The following DLGAP2 variants were observed in gnomAD, a reference collection of about 807,000 sequenced individuals.
The protein encoded by DLGAP2 is disks large-associated protein 2.
Under a neutral mutation model 100.3 loss-of-function variants are expected in DLGAP2, and 26 were observed. That is an observed-to-expected ratio of 0.26 (90% CI 0.19 to 0.36). DLGAP2 has a LOEUF of 0.36. Ranked by LOEUF, DLGAP2 falls within the 10% of genes least tolerant of loss-of-function variation. The pLI, the probability that DLGAP2 is intolerant of heterozygous loss-of-function variation, is 1.00. For synonymous variants in DLGAP2, 886 were observed against 630.1 expected (o/e 1.41, Z -6.08); for missense variants, 1,858 against 1,453.2 (o/e 1.28, Z -4.53).
chr8:1,655,568 G>A (rs1016438009), intron 8 of DLGAP2, among the ~76,000 whole-genome samples: 1 of 152,132 alleles, frequency 6.6e-6, no homozygotes, highest in African/African-American at 2.4e-5. Context: ...TTCAGAAGTG[G>A]TGTCCAGAAT....
chr8:771,714 A>AAC (rs1821365914), intron 1 of DLGAP2, among the ~76,000 whole-genome samples: 1 of 152,254 alleles, frequency 6.6e-6, no homozygotes, highest in Non-Finnish European at 1.5e-5. Context: ...GTTAGGTGAA[A>AAC]ATATTTATCC....
rs963555125 is a variant in DLGAP2, at chr8:1,632,810, G to T, written c.1591-17G>T. On this transcript the variant is annotated splice_polypyrimidine_tract_variant and intron_variant, in intron 7 of 14. Transcript: ENST00000637795. Reference sequence around the variant, plus strand: ...CCTGGAGGGCCGGGGCATCACGTGTGCTGTTGATGATTGCAGGTGAGCGAG... The same window carrying T: ...CCTGGAGGGCCGGGGCATCACGTGTTCTGTTGATGATTGCAGGTGAGCGAG... The T allele has an allele frequency of 6.3e-6, 10 of 1,592,392 alleles. No individual in the cohort carries two copies. Among genetic ancestry groups the T allele is most frequent in the Non-Finnish European group, 8.6e-6 (10 of 1,167,520 alleles).
At chr8:1,343,206 A>C (rs1801459248) in intron 3 of DLGAP2, among the ~76,000 whole-genome samples, 1 of 152,232 alleles carries the variant, frequency 6.6e-6, no homozygotes, top group Non-Finnish European at 1.5e-5. Flanking sequence ...ATGGTCTAGC[A>C]CAGCAAAAGG....
intron 1 of DLGAP2, among the ~76,000 whole-genome samples, chr8:755,759 GC>G (rs148886809): frequency 0.015 from 2,237 of 152,322 alleles, 23 homozygotes; most frequent in Non-Finnish European, 0.023. Context: ...CAGCTGGGGT[GC>G]CGTCCTCTGG....
intron 2 of DLGAP2, among the ~76,000 whole-genome samples, chr8:1,201,546 G>C (rs188755968): frequency 9.4e-4 from 143 of 152,306 alleles, no homozygotes; most frequent in Non-Finnish European, 1.6e-3. Flanking sequence ...TCGCATCTCC[G>C]GACGGATATA....
intron 2 of DLGAP2, among the ~76,000 whole-genome samples, chr8:1,194,151 C>T (rs1452924999): frequency 1.3e-5 from 2 of 152,206 alleles, no homozygotes; most frequent in Non-Finnish European, 1.5e-5. Context: ...AGTCCCTACC[C>T]TTGAGGGGCG....
At chr8:1,292,383 T>C (rs17816317) in intron 3 of DLGAP2, among the ~76,000 whole-genome samples, 35,171 of 152,122 alleles carry the variant, frequency 0.23, 4,156 homozygotes, top group South Asian at 0.28. Flanking sequence ...CAGCTCATCC[T>C]GCCAGTCAGG....
chr8:1,303,055 C>T (rs773277486), intron 3 of DLGAP2, among the ~76,000 whole-genome samples: 36 of 152,176 alleles, frequency 2.4e-4, no homozygotes, highest in Non-Finnish European at 3.1e-4. Flanking sequence ...CTGGACTCCA[C>T]CTCGCAGGGG....
chr8:1,135,764 G>A (rs1796397530), intron 2 of DLGAP2, among the ~76,000 whole-genome samples: 1 of 152,158 alleles, frequency 6.6e-6, no homozygotes. Context: ...GGCCACTTTT[G>A]TGGACAGTAT....
chr8:1,201,867 TGTG>T (rs1401870769), intron 2 of DLGAP2, among the ~76,000 whole-genome samples: 1 of 151,898 alleles, frequency 6.6e-6, no homozygotes, highest in Non-Finnish European at 1.5e-5. Context: ...GGTATCTATC[TGTG>T]GTGTGTGTGT....
At chr8:1,492,960 T>C (rs1799435366) in intron 3 of DLGAP2, among the ~76,000 whole-genome samples, 1 of 152,134 alleles carries the variant, frequency 6.6e-6, no homozygotes, top group South Asian at 2.1e-4. Context: ...CACCTACGCA[T>C]AGGGAACAGG....
chr8:1,632,896 C>G lies in DLGAP2; in HGVS notation c.1660C>G (p.Gln554Glu). The G allele has an allele frequency of 6.2e-7, 1 of 1,613,964 alleles. No homozygotes were observed. Among genetic ancestry groups the G allele is most frequent in the Non-Finnish European group, 8.5e-7 (1 of 1,179,882 alleles). ...CESVFSEVES[Q>E]AMDALDLPGC... ...GTCCGTCTTCAGTGAAGTTGAATCTCAGGCCATGGATGCCCTCGACCTCCC... is the reference window on the plus strand; with the variant it reads ...GTCCGTCTTCAGTGAAGTTGAATCTGAGGCCATGGATGCCCTCGACCTCCC... Residue 554 changes from glutamine (Q) to glutamate (E), a missense_variant, in exon 8 of 15, where the codon CAG (glutamine) becomes GAG (glutamate). Physicochemically the swap from Gln to Glu is conservative, Grantham distance 29 (BLOSUM62 2). Transcript: ENST00000637795.
At position 796,092 on chromosome 8, in the gene DLGAP2, CGTCCAGTGAGAGCAGCT is replaced by C. The variant is rs1227816887; in HGVS notation, c.18+58300_18+58316del. 4.0e-3 allele frequency among the ~76,000 whole-genome samples: 576 copies of C among 144,250 alleles called. 9 individuals are homozygous for C. Among genetic ancestry groups the C allele is most frequent in the African/African-American group, 0.013 (526 of 39,320 alleles). The allele number at this position is 144,250 out of a possible 152,430, so 94.6% of individuals were successfully genotyped here. On this transcript the variant is annotated intron_variant, in intron 1 of 14. Coordinates refer to ENST00000637795, the MANE Select transcript of DLGAP2 (RefSeq NM_001346810.2). ...AGAGCAGGCGTCCAGTGAGAGCAGG[CGTCCAGTGAGAGCAGCT>C]GTCCAGTGAGAGCAGCTGTCCAGTG...
intron 4 of DLGAP2, among the ~76,000 whole-genome samples, chr8:1,535,490 TG>T (rs1457502941): frequency 6.6e-6 from 1 of 152,206 alleles, no homozygotes; most frequent in Non-Finnish European, 1.5e-5. Context: ...TTGTTCATGC[TG>T]TCAGATGGGC....
At chr8:1,190,316 C>T (rs1268713465) in intron 2 of DLGAP2, among the ~76,000 whole-genome samples, 6 of 152,188 alleles carry the variant, frequency 3.9e-5, no homozygotes, top group East Asian at 3.9e-4. Flanking sequence ...TTGCCTTTCA[C>T]GTGGCTCGGT....
At chr8:816,280 T>A (rs1796476266) in intron 1 of DLGAP2, among the ~76,000 whole-genome samples, 2 of 151,992 alleles carry the variant, frequency 1.3e-5, no homozygotes, top group Non-Finnish European at 2.9e-5. Context: ...CTTGGGTTTT[T>A]TTTTTTTTCA....
chr8:1,576,097 G>A (rs892982067), intron 6 of DLGAP2, among the ~76,000 whole-genome samples: 1 of 152,140 alleles, frequency 6.6e-6, no homozygotes, highest in Non-Finnish European at 1.5e-5. Context: ...GTGTAAAAGT[G>A]TTCCTATTTC....
intron 2 of DLGAP2, among the ~76,000 whole-genome samples, chr8:995,073 G>C (rs554636710): frequency 2.0e-4 from 31 of 152,256 alleles, no homozygotes; most frequent in Admixed American, 7.2e-4. Flanking sequence ...AAACATGTCT[G>C]TAAATTATTG....
intron 2 of DLGAP2, among the ~76,000 whole-genome samples, chr8:957,313 G>A (rs1007627050): frequency 2.6e-5 from 4 of 152,242 alleles, no homozygotes; most frequent in Non-Finnish European, 5.9e-5. Context: ...AGGAGCCAGG[G>A]AAACCCAAGG....
Sources: gnomAD v4.1 joint callset for allele counts (sites outside exome capture counted in the v4.1 genomes callset) on GRCh38, gnomAD v4.1.1 for gene constraint, MANE v1.5 for transcripts, NCBI Gene and HGNC (gene_info 2026-07-23, HGNC 2026-07-21) for gene names.